Variants in ISM1 observed in about 807,000 individuals in gnomAD.
ISM1 encodes the protein isthmin-1.
ISM1 carries 25 observed loss-of-function variants against 46.3 expected under a neutral mutation model. The observed-to-expected ratio is 0.54, with a 90% CI of 0.39 to 0.75. ISM1 has a LOEUF of 0.75. Among genes scored for constraint, ISM1 ranks in the 30% least tolerant of loss-of-function variants. The pLI, the probability that ISM1 is intolerant of heterozygous loss-of-function variation, is 0.00. For missense variants in ISM1, 536 were observed against 625.4 expected (o/e 0.86, Z 1.52); for synonymous variants, 255 against 256.7 (o/e 0.99, Z 0.06).
At position 13,261,112 on chromosome 20, in the gene ISM1, G is replaced by A. The variant is rs146822432; in HGVS notation, c.139-9392G>A. 6.7e-3 allele frequency among the ~76,000 whole-genome samples: 1,016 copies of A among 152,222 alleles called. 11 individuals are homozygous for A. Among genetic ancestry groups the A allele is most frequent in the African/African-American group, 0.023 (966 of 41,544 alleles). ...TCTGTTAACTGTTGTCCCTTTGGCC[G>A]CAGTAAGAAGCTCAAAGAAGGCCAG... On this transcript the variant is annotated intron_variant, in intron 1 of 5. Transcript: ENST00000262487.
At chr20:13,292,916 G>A (rs1191316942) in intron 5 of ISM1, among the ~76,000 whole-genome samples, 1 of 152,110 alleles carries the variant, frequency 6.6e-6, no homozygotes, top group African/African-American at 2.4e-5. Context: ...TATACACCGG[G>A]CCAGGCGCGG....
chr20:13,308,186 A>C, the ISM1 span, among the ~76,000 whole-genome samples: 17 of 152,312 alleles, frequency 1.1e-4, no homozygotes, highest in South Asian at 2.1e-4. Context: ...CTGGGGACAC[A>C]AAAAGGAATA....
At chr20:13,260,751 T>C (rs1014033668) in intron 1 of ISM1, among the ~76,000 whole-genome samples, 11 of 152,144 alleles carry the variant, frequency 7.2e-5, no homozygotes, top group Non-Finnish European at 1.5e-4. Context: ...ACAGAATAAA[T>C]AACCAAGGTC....
At chr20:13,288,851 C>T (rs1256354676) in intron 4 of ISM1, among the ~76,000 whole-genome samples, 168 bp downstream of exon 4, 1 of 151,880 alleles carries the variant, frequency 6.6e-6, no homozygotes, top group African/African-American at 2.4e-5. Flanking sequence ...GTGGCACAAT[C>T]TCAGCTCACT....
the ISM1 span, among the ~76,000 whole-genome samples, chr20:13,312,151 G>T: frequency 0.13 from 19,549 of 152,122 alleles, 1,377 homozygotes; most frequent in Admixed American, 0.18. Context: ...CAACTGCTAC[G>T]TTATCTTCTG....
intron 1 of ISM1, among the ~76,000 whole-genome samples, chr20:13,260,980 T>C: frequency 6.6e-6 from 1 of 152,108 alleles, no homozygotes; most frequent in Non-Finnish European, 1.5e-5. Context: ...GCTGCACACG[T>C]CTCTCACCAT....
At chr20:13,282,603 C>T (rs7272500) in intron 3 of ISM1, among the ~76,000 whole-genome samples, 10,648 of 152,210 alleles carry the variant, frequency 0.07, 537 homozygotes, top group East Asian at 0.24. Context: ...ATCAGGAGCT[C>T]GTAGCATGCC....
At chr20:13,294,336 C>T (rs566247314) in intron 5 of ISM1, among the ~76,000 whole-genome samples, 2 of 152,176 alleles carry the variant, frequency 1.3e-5, no homozygotes, top group South Asian at 4.1e-4. Flanking sequence ...GATCAAATTG[C>T]ATTTAACAGG....
At chr20:13,305,058 A>G (rs1003030041), downstream of ISM1, among the ~76,000 whole-genome samples, 17 of 152,056 alleles carry the variant, frequency 1.1e-4, no homozygotes, top group African/African-American at 4.1e-4. Flanking sequence ...TGATAATAAC[A>G]TAGTATTATT....
intron 3 of ISM1, among the ~76,000 whole-genome samples, chr20:13,280,935 A>G (rs371140679): frequency 1.3e-4 from 20 of 152,342 alleles, no homozygotes; most frequent in African/African-American, 4.8e-4. Context: ...CTTCACCATC[A>G]GTGGACTTTG....
intron 2 of ISM1, 97 bp from the exon 3 acceptor site, chr20:13,279,537 A>G (rs2040215071): frequency 1.9e-5 from 23 of 1,231,648 alleles, no homozygotes; most frequent in Non-Finnish European, 2.5e-5. Context: ...GGATGCATCC[A>G]TCATTTCCCT....
At chr20:13,225,436 T>C (rs1459547129) in intron 1 of ISM1, among the ~76,000 whole-genome samples, 1 of 152,228 alleles carries the variant, frequency 6.6e-6, no homozygotes, top group Non-Finnish European at 1.5e-5. Context: ...TATATGTATA[T>C]ATACACATAC....
chr20:13,291,764 G>T (rs2040355179), intron 4 of ISM1, among the ~76,000 whole-genome samples: 1 of 152,204 alleles, frequency 6.6e-6, no homozygotes, highest in Admixed American at 6.5e-5. Context: ...GCTATGCATT[G>T]TAGCATCCTC....
chr20:13,279,667 G>C lies in ISM1; in HGVS notation c.412G>C (p.Glu138Gln). Residue 138 changes from glutamate to glutamine, a missense_variant, in exon 3 of 6, where the codon GAA becomes CAA. Transcript: ENST00000262487. Reference sequence around the variant, plus strand: ...AGAGGTGGTCGACGGTCCTGACTCTGAAGCAGATAAAGATCAGCATCCGGA... The same window carrying C: ...AGAGGTGGTCGACGGTCCTGACTCTCAAGCAGATAAAGATCAGCATCCGGA... ...TIEVVDGPDS[E>Q]ADKDQHPENK... The C allele has an allele frequency of 6.2e-7, 1 of 1,613,914 alleles. No individual in the cohort carries two copies. The highest frequency in any genetic ancestry group is 1.1e-5 in the South Asian group (1 of 91,068).
Position 13,221,732 on chromosome 20 carries a change from C to CCGCCGGCCGCCG in ISM1, c.-38_-27dup. On this transcript the variant is annotated 5_prime_UTR_variant, in exon 1 of 6. Transcript: ENST00000262487. ...TCCTCCCCCGGCGTCACCGCCGCCGCCGCCGGCCGCCGCGCCGGGTCCTAA... is the reference window on the plus strand; with the variant it reads ...TCCTCCCCCGGCGTCACCGCCGCCGCCGCCGGCCGCCGCGCCGGCCGCCGCGCCGGGTCCTAA... 3.7e-6 allele frequency: 5 copies of CCGCCGGCCGCCG among 1,345,266 alleles called. No individual in the cohort carries two copies. Among genetic ancestry groups the CCGCCGGCCGCCG allele is most frequent in the Middle Eastern group, 2.8e-4 (1 of 3,614 alleles). 83.3% of individuals were successfully genotyped at this position (1,345,266 alleles called of 1,614,324 possible). A position where few individuals can be genotyped will look rare whatever the true frequency, so the allele number is the denominator to read the frequency against.
intron 5 of ISM1, among the ~76,000 whole-genome samples, chr20:13,292,833 C>G (rs1473585559): frequency 6.6e-6 from 1 of 152,148 alleles, no homozygotes; most frequent in African/African-American, 2.4e-5. Context: ...GCCCTCAGTT[C>G]TCCAGCAGAG....
chr20:13,277,386 CTTGCAGACGA>C (rs1010274245), intron 2 of ISM1, among the ~76,000 whole-genome samples: 3 of 152,026 alleles, frequency 2.0e-5, no homozygotes, highest in Non-Finnish European at 4.4e-5. Context: ...CCTTAATAGC[CTTGCAGACGA>C]TTGTTGCAGC....
chr20:13,285,681 G>C (rs1306605576), intron 3 of ISM1, among the ~76,000 whole-genome samples: 2 of 152,356 alleles, frequency 1.3e-5, no homozygotes, highest in East Asian at 1.9e-4. Context: ...CCCGAGAGGG[G>C]AGTAGCCAAG....
intron 1 of ISM1, among the ~76,000 whole-genome samples, chr20:13,260,951 T>C (rs1039128398): frequency 1.2e-4 from 19 of 152,238 alleles, no homozygotes; most frequent in African/African-American, 4.6e-4. Context: ...GGCTGGTGAA[T>C]CTGGTATAAA....
Sources: gnomAD v4.1 joint callset for allele counts (sites outside exome capture counted in the v4.1 genomes callset) on GRCh38, gnomAD v4.1.1 for gene constraint, MANE v1.5 for transcripts, NCBI Gene and HGNC (gene_info 2026-07-23, HGNC 2026-07-21) for gene names.